Variants in COL14A1 observed in about 807,000 individuals in gnomAD.
COL14A1 encodes collagen alpha-1(XIV) chain.
Under a neutral mutation model 230.3 loss-of-function variants are expected in COL14A1, and 136 were observed. The ratio of observed to expected loss-of-function variants is 0.59; its 90% CI spans 0.51 to 0.68. COL14A1 has a LOEUF of 0.68. Ranked by LOEUF, COL14A1 falls within the 30% of genes least tolerant of loss-of-function variation. The pLI, the probability that COL14A1 is intolerant of heterozygous loss-of-function variation, is 0.00. For synonymous variants in COL14A1, 792 were observed against 784.1 expected (o/e 1.01, Z -0.17); for missense variants, 1,976 against 2,215.8 (o/e 0.89, Z 2.17).
chr8:120,304,760 G>T (rs918991193), intron 36 of COL14A1, among the ~76,000 whole-genome samples: 2 of 152,022 alleles, frequency 1.3e-5, no homozygotes, highest in African/African-American at 4.8e-5. Flanking sequence ...ACAGCATTTG[G>T]TTTTCATTTA....
At chr8:120,274,742 A>G (rs1263984922) in intron 26 of COL14A1, among the ~76,000 whole-genome samples, 1 of 151,824 alleles carries the variant, frequency 6.6e-6, no homozygotes, top group Non-Finnish European at 1.5e-5. Flanking sequence ...CACTTTTACA[A>G]TAGCTGCAAA....
rs766002326 is a variant in COL14A1, at chr8:120,147,904, A to G, written c.62A>G (p.Tyr21Cys). 1.9e-6 allele frequency: 3 copies of G among 1,613,662 alleles called. No individual in the cohort carries two copies. Among genetic ancestry groups the G allele is most frequent in the East Asian group, 2.2e-5 (1 of 44,832 alleles). ...CTTCCACCTTTTTTGGCAATTGTTT[A>G]TTTCTGCACCATTGTCCAAGGTCAA... is the stretch of plus-strand genomic sequence containing the variant. ...WLLPPFLAIV[Y>C]FCTIVQGQVA... Residue 21 changes from tyrosine (Y) to cysteine (C), a missense_variant, in exon 2 of 48, where the codon TAT becomes TGT. Tyr to Cys is a radical substitution (Grantham distance 194). Transcript: ENST00000297848.
intron 19 of COL14A1, 198 bp downstream of exon 19, chr8:120,231,816 A>G (rs1818276928): frequency 1.6e-5 from 9 of 559,946 alleles, no homozygotes; most frequent in Admixed American, 3.5e-5. Context: ...TGCTCCATGT[A>G]CAACTTGCTC....
chr8:120,321,643 G>GA (rs34224685), intron 40 of COL14A1, among the ~76,000 whole-genome samples: 130,756 of 145,686 alleles, frequency 0.9, 58,645 homozygotes, highest in East Asian at 0.99. Flanking sequence ...ACTTGTCTCA[G>GA]AAAAAAAAAA....
chr8:120,341,419 A>C (rs1247613241), intron 43 of COL14A1, 59 bp downstream of exon 43: 2 of 1,523,474 alleles, frequency 1.3e-6, no homozygotes, highest in Non-Finnish European at 1.8e-6. Context: ...TCCATTGCAT[A>C]AGCCTGATAA....
At chr8:120,350,176 A>G (rs1011140282) in intron 45 of COL14A1, among the ~76,000 whole-genome samples, 2 of 152,142 alleles carry the variant, frequency 1.3e-5, no homozygotes, top group Admixed American at 1.3e-4. Flanking sequence ...CTTTACAGAC[A>G]AGCAAATGCT....
Position 120,208,343 on chromosome 8 carries a change from C to T in COL14A1, c.1303C>T (p.Arg435Trp), listed in dbSNP as rs200320717. ...TGCCCACACTGCTAGTGAAGGCCTA[C>T]GGGGAACTGAAACTACACGTATGTA... is the stretch of plus-strand genomic sequence containing the variant. ...IYAHTASEGL[R>W]GTETTLALPM... is the part of the protein sequence containing the mutation. The change falls in exon 11 of 48, where the codon CGG becomes TGG. Residue 435 changes from arginine (R) to tryptophan (W), a missense_variant. Coordinates refer to ENST00000297848, the MANE Select transcript of COL14A1 (RefSeq NM_021110.4). 7.4e-5 allele frequency: 119 copies of T among 1,612,932 alleles called. No homozygotes were observed. Among genetic ancestry groups the T allele is most frequent in the South Asian group, 2.5e-4 (23 of 90,966 alleles).
At chr8:120,355,774 T>G (rs1214396280) in intron 45 of COL14A1, among the ~76,000 whole-genome samples, 11 of 152,170 alleles carry the variant, frequency 7.2e-5, no homozygotes, top group Admixed American at 5.2e-4. Context: ...CCGAAATTTT[T>G]GAATCAGAGA....
intron 14 of COL14A1, among the ~76,000 whole-genome samples, chr8:120,224,274 G>T (rs1818027005): frequency 1.3e-5 from 2 of 151,952 alleles, no homozygotes; most frequent in Non-Finnish European, 2.9e-5. Context: ...TGATCTACCT[G>T]CCTCGGCCTC....
At chr8:120,255,611 A>C (rs1482418892) in intron 23 of COL14A1, among the ~76,000 whole-genome samples, 1 of 152,202 alleles carries the variant, frequency 6.6e-6, no homozygotes, top group Admixed American at 6.5e-5. Flanking sequence ...CTGTGAAGAT[A>C]AAGCTGAGAT....
intron 5 of COL14A1, among the ~76,000 whole-genome samples, chr8:120,193,496 G>A (rs1448548045): frequency 1.1e-4 from 17 of 152,140 alleles, no homozygotes; most frequent in African/African-American, 3.6e-4. Context: ...GGGGGTCAGC[G>A]GTCAGGGACC....
chr8:120,279,262 C>T (rs943260783), intron 28 of COL14A1, among the ~76,000 whole-genome samples: 1 of 151,688 alleles, frequency 6.6e-6, no homozygotes, highest in African/African-American at 2.4e-5. Context: ...ACACGTATAC[C>T]TATGTAAAAA....
At chr8:120,306,362 G>A (rs918544126) in intron 36 of COL14A1, among the ~76,000 whole-genome samples, 1 of 151,922 alleles carries the variant, frequency 6.6e-6, no homozygotes, top group Non-Finnish European at 1.5e-5. Flanking sequence ...GAATTGGAGG[G>A]GGAAGAAAGA....
At chr8:120,203,995 C>A in intron 9 of COL14A1, 125 bp downstream of exon 9, 1 of 883,786 alleles carries the variant, frequency 1.1e-6, no homozygotes, top group Non-Finnish European at 1.6e-6. Context: ...CCCCTAAGAC[C>A]TGAGCCGTCA....
chr8:120,184,184 G>A (rs1037136904), intron 5 of COL14A1, among the ~76,000 whole-genome samples: 9 of 151,696 alleles, frequency 5.9e-5, no homozygotes, highest in African/African-American at 9.7e-5. Flanking sequence ...GTGTGTGTAT[G>A]TGTGAGATGT....
At chr8:120,350,816 T>C (rs1470644973) in intron 45 of COL14A1, among the ~76,000 whole-genome samples, 1 of 151,472 alleles carries the variant, frequency 6.6e-6, no homozygotes, top group Non-Finnish European at 1.5e-5. Flanking sequence ...CTGTCAACAT[T>C]AGACAGATCA....
At chr8:120,344,233 C>G (rs1407214571) in intron 44 of COL14A1, among the ~76,000 whole-genome samples, 2 of 152,222 alleles carry the variant, frequency 1.3e-5, no homozygotes, top group Admixed American at 1.3e-4. Context: ...TTTCTGGTAC[C>G]TCAACCATCT....
intron 34 of COL14A1, among the ~76,000 whole-genome samples, chr8:120,294,865 A>G (rs1232997257): frequency 1.3e-5 from 2 of 151,890 alleles, no homozygotes; most frequent in Non-Finnish European, 2.9e-5. Flanking sequence ...TCCTGAAATT[A>G]TAATATTGGC....
intron 19 of COL14A1, among the ~76,000 whole-genome samples, chr8:120,243,663 A>C (rs1289198095): frequency 6.6e-6 from 1 of 150,550 alleles, no homozygotes; most frequent in Non-Finnish European, 1.5e-5. Flanking sequence ...AGAGTGTCAA[A>C]TTTAAACCTT....
Sources: gnomAD v4.1 joint callset for allele counts (sites outside exome capture counted in the v4.1 genomes callset) on GRCh38, gnomAD v4.1.1 for gene constraint, MANE v1.5 for transcripts, NCBI Gene and HGNC (gene_info 2026-07-23, HGNC 2026-07-21) for gene names.